ALDH18A1: variants seen among roughly 807,000 people sequenced by gnomAD.
ALDH18A1 encodes aldehyde dehydrogenase 18 family member A1.
In ALDH18A1, 44 loss-of-function variants were observed where a neutral mutation model predicts 88.8. The observed-to-expected ratio is 0.50, with a 90% CI of 0.39 to 0.64. The LOEUF (loss-of-function observed/expected upper bound fraction) is 0.64. ALDH18A1 is among the 30% of genes least tolerant of loss of function. ALDH18A1 has a pLI of 0.00. For synonymous variants in ALDH18A1, 331 were observed against 372.1 expected, an observed-to-expected ratio of 0.89 and a Z score of 1.27; for missense variants, 782 against 1,009.5, an observed-to-expected ratio of 0.77 and a Z score of 3.05.
At chr10:95,655,982 G>C (rs1214098045) in intron 1 of ALDH18A1, among the ~76,000 whole-genome samples, 1 of 152,138 alleles carries the variant, frequency 6.6e-6, no homozygotes, top group Non-Finnish European at 1.5e-5. Context: ...GAGGGCAGGG[G>C]ATAATGATGG....
intron 12 of ALDH18A1, among the ~76,000 whole-genome samples, chr10:95,620,280 A>G (rs1589500115): frequency 6.6e-6 from 1 of 152,184 alleles, no homozygotes; most frequent in East Asian, 1.9e-4. Flanking sequence ...AAAGTCAGGA[A>G]ACAAGATGCT....
intron 5 of ALDH18A1, among the ~76,000 whole-genome samples, chr10:95,636,506 G>C (rs527343660): frequency 1.3e-5 from 2 of 152,146 alleles, no homozygotes; most frequent in African/African-American, 4.8e-5. Flanking sequence ...CCAAAAATTC[G>C]TAAGTCCCAT....
chr10:95,615,792 C>G (rs918596665), intron 13 of ALDH18A1, among the ~76,000 whole-genome samples: 6 of 152,152 alleles, frequency 3.9e-5, no homozygotes, highest in Non-Finnish European at 5.9e-5. Flanking sequence ...CTGGAGTCAG[C>G]CTAGGTCCAA....
At chr10:95,642,906 A>T in intron 3 of ALDH18A1, 86 bp downstream of exon 3, 3 of 1,330,786 alleles carry the variant, frequency 2.3e-6, no homozygotes, top group South Asian at 1.2e-5. Context: ...TTATTTTTTT[A>T]AGTTGATGAG....
intron 12 of ALDH18A1, among the ~76,000 whole-genome samples, chr10:95,616,984 C>T (rs2004611): frequency 0.28 from 42,047 of 152,140 alleles, 6,782 homozygotes; most frequent in Admixed American, 0.4. Context: ...TGGTGGCTCA[C>T]GCCTGTAATC....
chr10:95,643,108 G>A lies in ALDH18A1; in HGVS notation c.187C>T (p.His63Tyr), dbSNP rs765398161. The A allele has an allele frequency of 6.2e-7, 1 of 1,614,228 alleles. No individual in the cohort carries two copies. The highest frequency in any genetic ancestry group is 1.7e-5 in the Admixed American group (1 of 60,026). The change falls in exon 3 of 18, where the codon CAC (histidine) becomes TAC (tyrosine). Residue 63 changes from histidine (H) to tyrosine (Y), a missense_variant. Physicochemically the swap from His to Tyr is moderately conservative, Grantham distance 83. Coordinates refer to ENST00000371224, the MANE Select transcript of ALDH18A1 (RefSeq NM_002860.4). ...LSRTHGKSFAHRSELKHAKRI... is the reference protein window; with the variant it reads ...LSRTHGKSFAYRSELKHAKRI... ...TTGGCATGCTTCAGCTCACTGCGGT[G>A]GGCGAAGGACTTGCCATGTGTACGA...
intron 9 of ALDH18A1, among the ~76,000 whole-genome samples, chr10:95,627,133 A>G (rs2097861546): frequency 1.3e-5 from 2 of 152,168 alleles, no homozygotes; most frequent in Admixed American, 1.3e-4. Flanking sequence ...TCGAGAGCAC[A>G]TACTGTATCA....
rs557493764 is a variant in ALDH18A1, at chr10:95,649,507, A to G, written c.88+3783T>C. On this transcript the variant is annotated intron_variant, in intron 2 of 17. Coordinates refer to ENST00000371224, the MANE Select transcript of ALDH18A1 (RefSeq NM_002860.4). ...GCAGCTGGGACTACAGGCACCTGCC[A>G]CCACACCCGGCTAATTTTTTGTGTT... Among the ~76,000 whole-genome samples the G allele has an allele frequency of 6.6e-5, 10 of 151,816 alleles. No homozygotes were observed. In the South Asian group the frequency reaches 1.5e-3, roughly 22 times the overall value.
chr10:95,610,678 C>T (rs1008377046), intron 16 of ALDH18A1, among the ~76,000 whole-genome samples: 3 of 152,184 alleles, frequency 2.0e-5, no homozygotes, highest in African/African-American at 7.2e-5. Context: ...CATGACCTAG[C>T]TGATAGGGTT....
chr10:95,648,147 G>A lies in ALDH18A1; in HGVS notation c.89-4941C>T, dbSNP rs183657565. On this transcript the variant is annotated intron_variant, in intron 2 of 17. Transcript: ENST00000371224. ...AAGATGGGGATGATCTTGAGGGACT[G>A]AGCCCTCAACCTGTGGGCTGTCCTC... is the stretch of plus-strand genomic sequence containing the variant. Among the ~76,000 whole-genome samples, 688 of 152,274 alleles carry A rather than the reference G, an allele frequency of 4.5e-3. 2 individuals carry two copies. The highest frequency in any genetic ancestry group is 0.02 in the Middle Eastern group (6 of 294).
At chr10:95,634,606 G>A (rs1480524278) in intron 5 of ALDH18A1, among the ~76,000 whole-genome samples, 1 of 152,162 alleles carries the variant, frequency 6.6e-6, no homozygotes, top group African/African-American at 2.4e-5. Flanking sequence ...GAAATTTATG[G>A]AAGTTAGTCT....
intron 15 of ALDH18A1, among the ~76,000 whole-genome samples, chr10:95,612,215 C>G (rs1320297817): frequency 6.6e-6 from 1 of 152,144 alleles, no homozygotes; most frequent in Non-Finnish European, 1.5e-5. Context: ...CAGGTGCTTT[C>G]AGCACCTGAA....
intron 2 of ALDH18A1, among the ~76,000 whole-genome samples, chr10:95,650,199 A>G (rs1320887645): frequency 1.3e-5 from 2 of 152,238 alleles, no homozygotes; most frequent in African/African-American, 4.8e-5. Context: ...CCCCAAAAGT[A>G]CAATCCATAA....
chr10:95,610,160 A>G, intron 17 of ALDH18A1, 37 bp downstream of exon 17: 1 of 1,599,844 alleles, frequency 6.3e-7, no homozygotes. Flanking sequence ...AGTGCTTCAC[A>G]AGGAACTTCT....
In ALDH18A1 at chr10:95,628,346, A is replaced by C. The variant is rs2097863251; in HGVS notation, c.933+22T>G. The C allele has an allele frequency of 2.5e-6, 4 of 1,613,970 alleles. No homozygotes were observed. In the South Asian group the frequency reaches 4.4e-5, roughly 18 times the overall value. On this transcript the variant is annotated intron_variant, in intron 8 of 17. Coordinates refer to ENST00000371224, the MANE Select transcript of ALDH18A1 (RefSeq NM_002860.4). Reference sequence around the variant, plus strand: ...TTTGGGCTTTAAAATTGTTATAGGCAGTTAAGGCACCAGATTCTTACCTTG... The same window carrying C: ...TTTGGGCTTTAAAATTGTTATAGGCCGTTAAGGCACCAGATTCTTACCTTG...
At position 95,613,758 on chromosome 10, in the gene ALDH18A1, A is replaced by C; in HGVS notation, c.1907T>G (p.Met636Arg). Reference sequence around the variant, plus strand: ...AACTCTTACCTGTTCCACTCTCAGCATATCAATGATCTGGTCAAATAATGG... The same window carrying C: ...AACTCTTACCTGTTCCACTCTCAGCCTATCAATGATCTGGTCAAATAATGG... ...RTPLFDQIID[M>R]LRVEQVKIHA... Residue 636 changes from methionine (M) to arginine (R), a missense_variant, in exon 15 of 18, where the codon ATG becomes AGG. Transcript: ENST00000371224. 1 of 1,614,196 alleles carries C rather than the reference A, an allele frequency of 6.2e-7. No homozygotes were observed. Among genetic ancestry groups the C allele is most frequent in the South Asian group, 1.1e-5 (1 of 91,086 alleles).
At chr10:95,635,674 G>C (rs1036360256) in intron 5 of ALDH18A1, among the ~76,000 whole-genome samples, 6 of 152,232 alleles carry the variant, frequency 3.9e-5, no homozygotes, top group Non-Finnish European at 7.3e-5. Flanking sequence ...AGAGGAAAGA[G>C]CCCAGGGGTT....
intron 3 of ALDH18A1, among the ~76,000 whole-genome samples, chr10:95,639,376 A>G (rs1178230405): frequency 1.3e-5 from 2 of 151,954 alleles, no homozygotes; most frequent in East Asian, 1.9e-4. Flanking sequence ...ATACTTAACC[A>G]AAGTGCTGAG....
chr10:95,632,288 A>G (rs927019297), intron 7 of ALDH18A1, among the ~76,000 whole-genome samples: 2 of 152,230 alleles, frequency 1.3e-5, no homozygotes, highest in African/African-American at 4.8e-5. Flanking sequence ...GATGAAAGGG[A>G]AAGTGTTCTA....
Sources: gnomAD v4.1 joint callset for allele counts (sites outside exome capture counted in the v4.1 genomes callset) on GRCh38, gnomAD v4.1.1 for gene constraint, MANE v1.5 for transcripts, NCBI Gene and HGNC (gene_info 2026-07-23, HGNC 2026-07-21) for gene names.